The following PHACTR1 variants were observed in gnomAD, a reference collection of about 807,000 sequenced individuals.
The protein encoded by PHACTR1 is phosphatase and actin regulator 1.
PHACTR1 carries 16 observed loss-of-function variants against 69.2 expected under a neutral mutation model. The observed-to-expected ratio is 0.23, with a 90% CI of 0.16 to 0.35. The LOEUF (loss-of-function observed/expected upper bound fraction) is 0.35. Among genes scored for constraint, PHACTR1 ranks in the 10% least tolerant of loss-of-function variants. The probability of loss-of-function intolerance (pLI) is 1.00; values close to 1 mark genes in which losing one functional copy is unlikely to be tolerated. For missense variants in PHACTR1, 510 were observed against 734.7 expected, an observed-to-expected ratio of 0.69 and a Z score of 3.54; for synonymous variants, 312 against 284.5, an observed-to-expected ratio of 1.10 and a Z score of -0.97.
chr6:13,266,016 T>C (rs1019325985), intron 10 of PHACTR1, among the ~76,000 whole-genome samples: 2 of 152,214 alleles, frequency 1.3e-5, no homozygotes, highest in East Asian at 3.8e-4. Flanking sequence ...GACAGCTTCA[T>C]TCATATGTCT....
At chr6:13,070,048 T>C (rs141159216) in intron 5 of PHACTR1, among the ~76,000 whole-genome samples, 2 of 152,316 alleles carry the variant, frequency 1.3e-5, no homozygotes, top group Non-Finnish European at 1.5e-5. Context: ...CAAATAAGTA[T>C]GTGTACACCA....
chr6:12,820,806 C>G (rs1213274856), intron 4 of PHACTR1, among the ~76,000 whole-genome samples: 1 of 152,096 alleles, frequency 6.6e-6, no homozygotes, highest in African/African-American at 2.4e-5. Context: ...AGAAAAGAAG[C>G]TGAGTTGCTA....
At chr6:12,793,737 T>C (rs1772625303) in intron 4 of PHACTR1, among the ~76,000 whole-genome samples, 2 of 152,200 alleles carry the variant, frequency 1.3e-5, no homozygotes, top group Non-Finnish European at 2.9e-5. Flanking sequence ...AGGCTATAGA[T>C]AAATATATGG....
chr6:13,278,041 G>T, intron 11 of PHACTR1: 1 of 351,302 alleles, frequency 2.8e-6, no homozygotes. Context: ...GTGATGTAAA[G>T]AAGGCAAAAT....
chr6:12,800,228 G>C (rs1773534420), intron 4 of PHACTR1, among the ~76,000 whole-genome samples: 1 of 152,134 alleles, frequency 6.6e-6, no homozygotes, highest in South Asian at 2.1e-4. Context: ...TGGTTAGAAT[G>C]AGTTTCAAAG....
intron 4 of PHACTR1, among the ~76,000 whole-genome samples, chr6:13,022,029 C>A (rs1006300972): frequency 1.3e-5 from 2 of 152,226 alleles, no homozygotes; most frequent in African/African-American, 2.4e-5. Context: ...TGGCTCCCAC[C>A]TTCGGGCAAT....
intron 3 of PHACTR1, among the ~76,000 whole-genome samples, chr6:12,726,133 A>G (rs1025327544): frequency 2.0e-5 from 3 of 152,224 alleles, no homozygotes; most frequent in African/African-American, 7.2e-5. Context: ...ATATAAGAAG[A>G]AATTAAACAA....
At chr6:13,044,828 A>G (rs2127719772) in intron 4 of PHACTR1, among the ~76,000 whole-genome samples, 1 of 152,310 alleles carries the variant, frequency 6.6e-6, no homozygotes, top group South Asian at 2.1e-4. Context: ...TGAGTTCGTA[A>G]TTGTAGCTTG....
intron 4 of PHACTR1, among the ~76,000 whole-genome samples, chr6:12,900,243 CCT>C (rs764936821): frequency 4.6e-5 from 7 of 152,028 alleles, no homozygotes; most frequent in Non-Finnish European, 8.8e-5. Context: ...CCTCCTTCCC[CCT>C]CTTTCTGTTG....
At chr6:13,048,388 A>T (rs1805405057) in intron 4 of PHACTR1, among the ~76,000 whole-genome samples, 1 of 152,154 alleles carries the variant, frequency 6.6e-6, no homozygotes, top group Non-Finnish European at 1.5e-5. Context: ...TCCATTTCCA[A>T]AAAAGGCTGT....
intron 4 of PHACTR1, among the ~76,000 whole-genome samples, chr6:12,915,286 A>C (rs1318524680): frequency 6.6e-6 from 1 of 152,134 alleles, no homozygotes. Flanking sequence ...CAGGTGGATC[A>C]CTTTGAGCTC....
At chr6:13,079,106 C>T (rs1024784384) in intron 5 of PHACTR1, among the ~76,000 whole-genome samples, 2 of 152,116 alleles carry the variant, frequency 1.3e-5, no homozygotes, top group South Asian at 4.1e-4. Flanking sequence ...CACCTTCATC[C>T]TCATAAGGCA....
intron 3 of PHACTR1, among the ~76,000 whole-genome samples, chr6:12,742,568 G>T (rs1001575391): frequency 6.6e-6 from 1 of 152,000 alleles, no homozygotes; most frequent in Non-Finnish European, 1.5e-5. Context: ...TAACTTTCTG[G>T]GAATGCAGCC....
chr6:13,270,576 AG>A (rs1444021897), intron 10 of PHACTR1, among the ~76,000 whole-genome samples: 1 of 152,250 alleles, frequency 6.6e-6, no homozygotes, highest in Non-Finnish European at 1.5e-5. Context: ...GCTCTGTGAT[AG>A]GAACTGGGTC....
chr6:13,168,516 C>T (rs1401303008), intron 6 of PHACTR1, among the ~76,000 whole-genome samples: 1 of 152,180 alleles, frequency 6.6e-6, no homozygotes, highest in Non-Finnish European at 1.5e-5. Flanking sequence ...ACCAGGAATA[C>T]TAGGAAGGCC....
At chr6:12,928,582 C>G (rs1273530873) in intron 4 of PHACTR1, among the ~76,000 whole-genome samples, 1 of 152,096 alleles carries the variant, frequency 6.6e-6, no homozygotes, top group East Asian at 1.9e-4. Flanking sequence ...TTGAAAATTG[C>G]AATTCATTCC....
chr6:12,898,540 C>T (rs1784900941), intron 4 of PHACTR1, among the ~76,000 whole-genome samples: 1 of 152,234 alleles, frequency 6.6e-6, no homozygotes, highest in African/African-American at 2.4e-5. Flanking sequence ...CAACTCCTGT[C>T]AAATCGACTT....
At chr6:12,930,917 G>A (rs1478257454) in intron 4 of PHACTR1, among the ~76,000 whole-genome samples, 1 of 151,348 alleles carries the variant, frequency 6.6e-6, no homozygotes, top group African/African-American at 2.4e-5. Context: ...TGGGCATGGT[G>A]GCACATGCCT....
intron 10 of PHACTR1, among the ~76,000 whole-genome samples, chr6:13,241,797 G>T (rs916744564): frequency 1.3e-5 from 2 of 151,846 alleles, no homozygotes; most frequent in Non-Finnish European, 2.9e-5. Flanking sequence ...GCCGGGGCAG[G>T]TGGATCACTT....
Sources: allele counts gnomAD v4.1 joint callset (sites outside exome capture counted in the v4.1 genomes callset), GRCh38; gene constraint gnomAD v4.1.1; transcripts MANE v1.5; gene names NCBI Gene and HGNC (gene_info 2026-07-23, HGNC 2026-07-21).